SP3: variants seen among roughly 807,000 people sequenced by gnomAD.
SP3 encodes transcription factor Sp3.
SP3 carries 10 observed loss-of-function variants against 70.3 expected under a neutral mutation model. The observed-to-expected ratio is 0.14, with a 90% CI of 0.09 to 0.24. The LOEUF (loss-of-function observed/expected upper bound fraction) is 0.24, where lower values mean the gene tolerates loss of function less well. Ranked by LOEUF, SP3 falls within the 10% of genes least tolerant of loss-of-function variation. The probability of loss-of-function intolerance (pLI) is 1.00; values close to 1 mark genes in which losing one functional copy is unlikely to be tolerated. For missense variants in SP3, 825 were observed against 914.6 expected, an observed-to-expected ratio of 0.90 and a Z score of 1.26; for synonymous variants, 402 against 333.5, an observed-to-expected ratio of 1.21 and a Z score of -2.24.
intron 4 of SP3, among the ~76,000 whole-genome samples, chr2:173,930,042 T>G (rs73972412): frequency 1.3e-5 from 2 of 152,142 alleles, no homozygotes; most frequent in South Asian, 4.1e-4. Flanking sequence ...TCTCTAACTA[T>G]GGGTACCTTG....
Position 173,902,770 on chromosome 2 carries a change from C to A in SP3, c.*7171G>T, listed in dbSNP as rs932098536. 6.6e-6 allele frequency among the ~76,000 whole-genome samples: 1 copy of A among 152,086 alleles called. No homozygotes were observed. Among genetic ancestry groups the A allele is most frequent in the Non-Finnish European group, 1.5e-5 (1 of 68,006 alleles). ...AATCAGAAAAACAATCCTAGGTATG[C>A]ATACATATAATAAGGATATAAAACC... On this transcript the variant is annotated 3_prime_UTR_variant, in exon 7 of 7. Transcript: ENST00000310015.
At chr2:173,921,398 G>A (rs574008925) in intron 4 of SP3, among the ~76,000 whole-genome samples, 45 of 152,292 alleles carry the variant, frequency 3.0e-4, no homozygotes, top group Middle Eastern at 3.4e-3. Flanking sequence ...CAAGTTAAAA[G>A]TTCATGCTGA....
intron 3 of SP3, among the ~76,000 whole-genome samples, chr2:173,956,861 G>C (rs538756953): frequency 9.9e-5 from 15 of 152,270 alleles, no homozygotes; most frequent in Admixed American, 5.9e-4. Flanking sequence ...GGTTTCTCTA[G>C]GATCAGAAGC....
intron 3 of SP3, among the ~76,000 whole-genome samples, chr2:173,958,452 T>C (rs1047840585): frequency 2.6e-5 from 4 of 151,932 alleles, no homozygotes; most frequent in Non-Finnish European, 4.4e-5. Context: ...GTGCCATTTT[T>C]CTCAGCAATT....
chr2:173,936,474 T>C (rs1373545818), intron 4 of SP3, among the ~76,000 whole-genome samples: 2 of 152,210 alleles, frequency 1.3e-5, no homozygotes, highest in Non-Finnish European at 2.9e-5. Flanking sequence ...TCACCAATAG[T>C]ATTCAGTGCT....
At chr2:173,939,940 A>G (rs1230534885) in intron 4 of SP3, among the ~76,000 whole-genome samples, 1 of 152,134 alleles carries the variant, frequency 6.6e-6, no homozygotes, top group Non-Finnish European at 1.5e-5. Flanking sequence ...TGACTCAATC[A>G]TAACTCACTG....
intron 4 of SP3, among the ~76,000 whole-genome samples, chr2:173,923,076 A>C (rs1689803757): frequency 6.6e-6 from 1 of 152,208 alleles, no homozygotes; most frequent in Non-Finnish European, 1.5e-5. Context: ...GTATGCAAAA[A>C]ATTTAAGCAA....
rs754061928 is a variant in SP3 at position 173,913,162 on chromosome 2, G to C, written c.1937C>G (p.Ser646Cys). 6.2e-7 allele frequency: 1 copy of C among 1,613,526 alleles called. No individual in the cohort carries two copies. ...GTTACAAACAAAAGGGCGTTCTCCAGAATGCCAACGCAGATGAGCTCTCAG... is the reference window on the plus strand; with the variant it reads ...GTTACAAACAAAAGGGCGTTCTCCACAATGCCAACGCAGATGAGCTCTCAG... ...SHLRAHLRWH[S>C]GERPFVCNWM... is the part of the protein sequence containing the mutation. The change falls in exon 6 of 7, where the codon TCT becomes TGT. Residue 646 changes from serine to cysteine, a missense_variant. By Grantham distance (112) the Ser-to-Cys change is moderately radical (BLOSUM62 -1). Coordinates refer to ENST00000310015, the MANE Select transcript of SP3 (RefSeq NM_003111.5).
chr2:173,944,430 G>A (rs960738369), intron 4 of SP3, among the ~76,000 whole-genome samples: 1 of 152,162 alleles, frequency 6.6e-6, no homozygotes, highest in African/African-American at 2.4e-5. Context: ...AGCTAACTCA[G>A]GAGGATTGCT....
In SP3 at chr2:173,964,463, T is replaced by C; in HGVS notation, c.98A>G (p.Tyr33Cys). 1 of 718,370 alleles carries C rather than the reference T, an allele frequency of 1.4e-6. No homozygotes were observed. 44.5% of individuals were successfully genotyped at this position (718,370 alleles called of 1,614,324 possible). A position where few individuals can be genotyped will look rare whatever the true frequency, so the allele number is the denominator to read the frequency against. ...TCCGTGCTGTTGCTGCTGCTGCAGA[T>C]ACTCGCCGTGGCCGCCGCCGCCGCC... ...GGGGGGGHGE[Y>C]LQQQQQHGNG... The change falls in exon 2 of 7, where the codon TAT becomes TGT. Residue 33 changes from tyrosine to cysteine, a missense_variant. Coordinates refer to ENST00000310015, the MANE Select transcript of SP3 (RefSeq NM_003111.5).
chr2:173,954,726 G>T, intron 4 of SP3, 147 bp downstream of exon 4: 1 of 732,788 alleles, frequency 1.4e-6, no homozygotes, highest in Non-Finnish European at 2.2e-6. Flanking sequence ...ATACTTTGAT[G>T]TCTACTTTCA....
chr2:173,936,562 C>CTA (rs1690216331), intron 4 of SP3, among the ~76,000 whole-genome samples: 1 of 152,152 alleles, frequency 6.6e-6, no homozygotes, highest in Admixed American at 6.5e-5. Flanking sequence ...TCTATTCATG[C>CTA]TATAACAGCA....
At chr2:173,910,333 A>G in intron 6 of SP3, 76 bp from the exon 7 acceptor site, 2 of 1,271,618 alleles carry the variant, frequency 1.6e-6, no homozygotes, top group East Asian at 2.4e-5. Flanking sequence ...CCAAAACAGA[A>G]AGTAAGTCAA....
intron 4 of SP3, among the ~76,000 whole-genome samples, chr2:173,932,481 G>A (rs546905285): frequency 1.3e-5 from 2 of 151,976 alleles, no homozygotes; most frequent in Non-Finnish European, 2.9e-5. Context: ...GTGAGCCACC[G>A]TGCCTGGAAC....
At chr2:173,958,148 C>T (rs1400453713) in intron 3 of SP3, among the ~76,000 whole-genome samples, 1 of 151,716 alleles carries the variant, frequency 6.6e-6, no homozygotes, top group Non-Finnish European at 1.5e-5. Context: ...ATAAAATTTA[C>T]AGGTATTGAA....
intron 3 of SP3, among the ~76,000 whole-genome samples, chr2:173,962,526 TA>T (rs1447729998): frequency 1.3e-5 from 2 of 152,234 alleles, no homozygotes; most frequent in African/African-American, 4.8e-5. Flanking sequence ...AATATAATTT[TA>T]CATTTTTACA....
chr2:173,916,779 C>T (rs898190502), intron 5 of SP3: 15 of 152,092 alleles, frequency 9.9e-5, no homozygotes, highest in African/African-American at 3.6e-4. Context: ...CCAACTTATA[C>T]AAATAAAATA....
intron 4 of SP3, among the ~76,000 whole-genome samples, chr2:173,953,784 CAA>C (rs34063529): frequency 4.0e-5 from 5 of 125,734 alleles, no homozygotes; most frequent in African/African-American, 5.5e-5. Flanking sequence ...CAAAACAAAA[CAA>C]AAAAAAAAAC....
intron 3 of SP3, chr2:173,963,234 T>C (rs1041469316): frequency 4.6e-5 from 7 of 152,280 alleles, no homozygotes; most frequent in Non-Finnish European, 7.4e-5. Context: ...CGATTTTGAA[T>C]GGTCAACTAA....
Sources: allele counts gnomAD v4.1 joint callset (sites outside exome capture counted in the v4.1 genomes callset), GRCh38; gene constraint gnomAD v4.1.1; transcripts MANE v1.5; gene names NCBI Gene and HGNC (gene_info 2026-07-23, HGNC 2026-07-21).